The following ASNS variants were observed in gnomAD, a reference collection of about 807,000 sequenced individuals.
ASNS encodes the protein asparagine synthetase (glutamine-hydrolyzing), also known as asparagine synthetase [glutamine-hydrolyzing].
A neutral mutation model predicts 62.6 loss-of-function variants in ASNS; 37 were observed. The observed-to-expected ratio is 0.59, with a 90% CI of 0.45 to 0.78. ASNS has a LOEUF of 0.78. ASNS is among the 30% of genes least tolerant of loss of function. ASNS has a pLI of 0.00. For missense variants in ASNS, 520 were observed against 682.4 expected (o/e 0.76, Z 2.65); for synonymous variants, 207 against 237.9 (o/e 0.87, Z 1.19).
the ASNS span, among the ~76,000 whole-genome samples, chr7:97,880,406 A>G: frequency 6.6e-6 from 1 of 152,142 alleles, no homozygotes; most frequent in Non-Finnish European, 1.5e-5. Flanking sequence ...TTACAGGCAT[A>G]AGCCAATGCA....
chr7:97,860,237 T>C (rs114080878), intron 4 of ASNS, among the ~76,000 whole-genome samples: 1,785 of 152,304 alleles, frequency 0.012, 43 homozygotes, highest in African/African-American at 0.041. Context: ...CAGGCAATAC[T>C]ATAATCAGAT....
rs1490205306 is a variant in ASNS at position 97,870,254 on chromosome 7, G to A, written c.-59-441C>T. ...TACGAAGATTGTACACAGAGGTCCA[G>A]ATACATTCCGTTTTGAGAATGTCAA... is the stretch of plus-strand genomic sequence containing the variant. On this transcript the variant is annotated intron_variant, in intron 1 of 12. Coordinates refer to ENST00000394308, the MANE Select transcript of ASNS (RefSeq NM_001673.5). The A allele has an allele frequency of 2.0e-5, 15 of 752,626 alleles. No individual in the cohort carries two copies. The East Asian group carries it at 4.1e-4, about 21-fold the overall frequency. The allele number at this position is 752,626 out of a possible 1,614,324, so 46.6% of individuals were successfully genotyped here.
intron 9 of ASNS, chr7:97,854,896 A>C: frequency 1.4e-6 from 1 of 716,134 alleles, no homozygotes; most frequent in Non-Finnish European, 2.2e-6. Flanking sequence ...AATGGGCAAC[A>C]GTCATAATTC....
chr7:97,869,183 T>C lies in ASNS; in HGVS notation c.-23-4A>G. 1.2e-6 allele frequency: 2 copies of C among 1,606,492 alleles called. No individual in the cohort carries two copies. Among genetic ancestry groups the C allele is most frequent in the African/African-American group, 1.3e-5 (1 of 74,854 alleles). On this transcript the variant is annotated splice_region_variant and splice_polypyrimidine_tract_variant and intron_variant, in intron 2 of 12. Transcript: ENST00000394308. ...GTGCAATGAAGCTATAAGCTTTCTATGGAGAGAAAAGCAGACAAATCAAAA... is the reference window on the plus strand; with the variant it reads ...GTGCAATGAAGCTATAAGCTTTCTACGGAGAGAAAAGCAGACAAATCAAAA...
the ASNS span, among the ~76,000 whole-genome samples, chr7:97,882,415 G>A: frequency 3.9e-5 from 6 of 152,146 alleles, no homozygotes; most frequent in Non-Finnish European, 7.4e-5. Flanking sequence ...GGGCATGGTG[G>A]CACATGCCTG....
chr7:97,878,747 C>T, the ASNS span, among the ~76,000 whole-genome samples: 1 of 152,124 alleles, frequency 6.6e-6, no homozygotes, highest in African/African-American at 2.4e-5. Context: ...CAATGCCATC[C>T]CCATCAAGCT....
chr7:97,903,196 A>C, the ASNS span, among the ~76,000 whole-genome samples: 1 of 151,896 alleles, frequency 6.6e-6, no homozygotes, highest in South Asian at 2.1e-4. Flanking sequence ...AGGAAACAGA[A>C]ATGTCATTTA....
the ASNS span, among the ~76,000 whole-genome samples, chr7:97,925,128 C>T: frequency 0.021 from 2,093 of 100,820 alleles, no homozygotes; most frequent in East Asian, 0.063. Flanking sequence ...CAGAGTAAGA[C>T]TCCATCTTTA....
At chr7:97,924,698 G>A in the ASNS span, among the ~76,000 whole-genome samples, 2 of 152,176 alleles carry the variant, frequency 1.3e-5, no homozygotes, top group East Asian at 1.9e-4. Context: ...AGAAAGCCAA[G>A]ATGCCACCCA....
chr7:97,884,341 G>A, the ASNS span, among the ~76,000 whole-genome samples: 3 of 152,178 alleles, frequency 2.0e-5, no homozygotes, highest in Admixed American at 6.5e-5. Flanking sequence ...CTGAGATCAC[G>A]AGTTCGAGAT....
the ASNS span, among the ~76,000 whole-genome samples, chr7:97,891,103 A>G: frequency 6.6e-6 from 1 of 152,254 alleles, no homozygotes; most frequent in Non-Finnish European, 1.5e-5. Context: ...GGTTTAATGG[A>G]CTTACACTTC....
chr7:97,856,976 C>G (rs367959355), intron 7 of ASNS, among the ~76,000 whole-genome samples, 160 bp from the exon 8 acceptor site: 2 of 152,264 alleles, frequency 1.3e-5, no homozygotes, highest in African/African-American at 4.8e-5. Flanking sequence ...CATACAAGCC[C>G]CATCCAGCAC....
chr7:97,887,444 C>T, the ASNS span, among the ~76,000 whole-genome samples: 1 of 152,216 alleles, frequency 6.6e-6, no homozygotes, highest in African/African-American at 2.4e-5. Context: ...TCTGCAGTTC[C>T]TCCCACTGAA....
At chr7:97,865,725 C>T (rs971975377) in intron 3 of ASNS, among the ~76,000 whole-genome samples, 7 of 152,156 alleles carry the variant, frequency 4.6e-5, no homozygotes, top group South Asian at 2.1e-4. Context: ...TATCTTAACA[C>T]CACAGAGCAG....
chr7:97,855,667 G>A (rs577568105), intron 8 of ASNS, among the ~76,000 whole-genome samples: 77 of 152,046 alleles, frequency 5.1e-4, no homozygotes, highest in African/African-American at 1.3e-3. Context: ...AAAATAACCC[G>A]GAACCATTTT....
the ASNS span, among the ~76,000 whole-genome samples, chr7:97,890,536 TA>T: frequency 6.6e-6 from 1 of 151,676 alleles, no homozygotes; most frequent in Non-Finnish European, 1.5e-5. Flanking sequence ...ACAAGTAAAA[TA>T]AAAATAAAAA....
chr7:97,871,746 G>A (rs551076262), intron 1 of ASNS: 1 of 152,202 alleles, frequency 6.6e-6, no homozygotes, highest in Admixed American at 6.5e-5. Flanking sequence ...TGCTCAGCAA[G>A]TCACTTGATG....
the ASNS span, among the ~76,000 whole-genome samples, chr7:97,883,320 AC>A: frequency 2.6e-5 from 4 of 152,124 alleles, no homozygotes; most frequent in African/African-American, 7.2e-5. Flanking sequence ...CATCATAAAC[AC>A]AAACATTCCT....
intron 3 of ASNS, among the ~76,000 whole-genome samples, chr7:97,865,784 G>A (rs1228384522): frequency 1.3e-5 from 2 of 152,122 alleles, no homozygotes; most frequent in Non-Finnish European, 2.9e-5. Context: ...TCCCATCTGT[G>A]GGGATCCTGC....
Sources: allele counts gnomAD v4.1 joint callset (sites outside exome capture counted in the v4.1 genomes callset), GRCh38; gene constraint gnomAD v4.1.1; transcripts MANE v1.5; gene names NCBI Gene and HGNC (gene_info 2026-07-23, HGNC 2026-07-21).